SPAG16: variants seen among roughly 807,000 people sequenced by gnomAD.
The protein encoded by SPAG16 is sperm-associated antigen 16 protein.
SPAG16 carries 86 observed loss-of-function variants against 80.4 expected under a neutral mutation model. The observed-to-expected ratio is 1.07, with a 90% CI of 0.90 to 1.28. The LOEUF (loss-of-function observed/expected upper bound fraction) is 1.28. Among genes scored for constraint, SPAG16 ranks in the 50% most tolerant of loss-of-function variants. SPAG16 has a pLI of 0.00. For missense variants in SPAG16, 870 were observed against 765.3 expected, an observed-to-expected ratio of 1.14 and a Z score of -1.61; for synonymous variants, 294 against 265.9, an observed-to-expected ratio of 1.11 and a Z score of -1.03.
chr2:214,044,546 C>T (rs1298213152), intron 13 of SPAG16, among the ~76,000 whole-genome samples: 1 of 152,208 alleles, frequency 6.6e-6, no homozygotes, highest in Non-Finnish European at 1.5e-5. Context: ...CAAGTATCTA[C>T]ACCAAAATTG....
chr2:214,078,562 T>C (rs1432401618), intron 13 of SPAG16, among the ~76,000 whole-genome samples: 1 of 151,802 alleles, frequency 6.6e-6, no homozygotes, highest in Non-Finnish European at 1.5e-5. Flanking sequence ...AAATCTGTTA[T>C]TTATTGCTCC....
chr2:213,382,541 G>A (rs982655726), intron 9 of SPAG16, among the ~76,000 whole-genome samples: 1 of 152,184 alleles, frequency 6.6e-6, no homozygotes, highest in African/African-American at 2.4e-5. Context: ...TGGGCCATAA[G>A]GCCCAAGGAG....
At chr2:213,932,230 A>T (rs2078794527) in intron 12 of SPAG16, among the ~76,000 whole-genome samples, 1 of 142,128 alleles carries the variant, frequency 7.0e-6, no homozygotes, top group African/African-American at 2.7e-5. Context: ...GTTGTTTTTA[A>T]GACTGAATCT....
intron 10 of SPAG16, among the ~76,000 whole-genome samples, chr2:213,603,573 A>G (rs759153776): frequency 1.3e-5 from 2 of 152,220 alleles, no homozygotes; most frequent in African/African-American, 2.4e-5. Context: ...TGCTTTTTAC[A>G]CTTAGATCTT....
intron 10 of SPAG16, among the ~76,000 whole-genome samples, chr2:213,613,826 T>G (rs528651416): frequency 6.6e-6 from 1 of 152,254 alleles, no homozygotes; most frequent in East Asian, 1.9e-4. Context: ...TTCTTCCTAT[T>G]CCTCTCCCTA....
At chr2:214,057,631 G>C (rs1436126724) in intron 13 of SPAG16, among the ~76,000 whole-genome samples, 1 of 152,142 alleles carries the variant, frequency 6.6e-6, no homozygotes, top group Non-Finnish European at 1.5e-5. Context: ...CCACTAACAA[G>C]AGTCAGCCTG....
At chr2:214,361,469 G>A (rs1039374324) in intron 15 of SPAG16, among the ~76,000 whole-genome samples, 2 of 151,822 alleles carry the variant, frequency 1.3e-5, no homozygotes, top group Non-Finnish European at 2.9e-5. Context: ...CACATTAAAT[G>A]TGAATGGTTA....
At chr2:213,544,403 A>G (rs1248392403) in intron 10 of SPAG16, among the ~76,000 whole-genome samples, 7 of 152,074 alleles carry the variant, frequency 4.6e-5, no homozygotes, top group Admixed American at 4.6e-4. Context: ...AAAACTGAGC[A>G]GAAGGTACAG....
intron 9 of SPAG16, among the ~76,000 whole-genome samples, chr2:213,483,809 T>C (rs2073856654): frequency 6.6e-6 from 1 of 152,250 alleles, no homozygotes; most frequent in African/African-American, 2.4e-5. Flanking sequence ...CTTTAGAAGC[T>C]AAATATTTTC....
chr2:214,359,783 G>T (rs1343901363), intron 15 of SPAG16, among the ~76,000 whole-genome samples: 1 of 151,814 alleles, frequency 6.6e-6, no homozygotes, highest in African/African-American at 2.4e-5. Context: ...GTGTCAATTT[G>T]CTCTAATTGA....
chr2:214,093,846 ACT>A (rs746374972), intron 13 of SPAG16, among the ~76,000 whole-genome samples: 1 of 151,980 alleles, frequency 6.6e-6, no homozygotes, highest in Admixed American at 6.6e-5. Context: ...CTCTGGGGTC[ACT>A]CTCTATTTGA....
chr2:213,482,671 T>C (rs976451845), intron 9 of SPAG16, among the ~76,000 whole-genome samples: 21 of 152,110 alleles, frequency 1.4e-4, no homozygotes, highest in African/African-American at 4.8e-4. Context: ...AACATGCAAT[T>C]TGAAATATCT....
Position 213,929,846 on chromosome 2 carries a change from A to G in SPAG16, c.1215-114A>G. The G allele has an allele frequency of 1.0e-5, 9 of 872,578 alleles. No homozygotes were observed. In the South Asian group the frequency reaches 1.2e-4, roughly 11 times the overall value. The allele number at this position is 872,578 out of a possible 1,614,324, so 54.1% of individuals were successfully genotyped here. A position where few individuals can be genotyped will look rare whatever the true frequency, so the allele number is the denominator to read the frequency against. Reference sequence around the variant, plus strand: ...TTTAGTCATTTAGATATGCCACTACAAGTAAAAATAAATCAGATACATACA... The same window carrying G: ...TTTAGTCATTTAGATATGCCACTACGAGTAAAAATAAATCAGATACATACA... On this transcript the variant is annotated intron_variant, in intron 11 of 15. Transcript: ENST00000331683.
At chr2:213,417,172 G>T (rs1011451976) in intron 9 of SPAG16, among the ~76,000 whole-genome samples, 3 of 152,118 alleles carry the variant, frequency 2.0e-5, no homozygotes, top group Non-Finnish European at 4.4e-5. Context: ...CAGGAGGTCA[G>T]AGGTCAAGCA....
At chr2:213,889,655 A>G (rs2076704704) in intron 11 of SPAG16, among the ~76,000 whole-genome samples, 2 of 149,350 alleles carry the variant, frequency 1.3e-5, no homozygotes, top group East Asian at 1.9e-4. Context: ...ACACATATAT[A>G]CATATACATA....
intron 10 of SPAG16, among the ~76,000 whole-genome samples, chr2:213,548,352 A>G (rs1009262427): frequency 3.3e-5 from 5 of 152,036 alleles, no homozygotes; most frequent in Non-Finnish European, 4.4e-5. Context: ...AGCTGGGACT[A>G]CAGGCGCCCA....
chr2:213,778,302 CT>C (rs1165500279), intron 10 of SPAG16, among the ~76,000 whole-genome samples: 2 of 152,170 alleles, frequency 1.3e-5, no homozygotes, highest in African/African-American at 4.8e-5. Flanking sequence ...CATACCTAGA[CT>C]TTTTTGACAC....
intron 11 of SPAG16, among the ~76,000 whole-genome samples, chr2:213,904,754 T>C (rs745506442): frequency 5.3e-5 from 8 of 152,036 alleles, no homozygotes; most frequent in Non-Finnish European, 1.2e-4. Flanking sequence ...GAAAGAACAT[T>C]TCAGGAAGAA....
intron 15 of SPAG16, among the ~76,000 whole-genome samples, chr2:214,162,176 C>G (rs2056466311): frequency 1.3e-5 from 2 of 152,104 alleles, no homozygotes; most frequent in Admixed American, 6.6e-5. Flanking sequence ...ACTTGCTTTC[C>G]TGGGCTCAGC....
Sources: gnomAD v4.1 joint callset for allele counts (sites outside exome capture counted in the v4.1 genomes callset) on GRCh38, gnomAD v4.1.1 for gene constraint, MANE v1.5 for transcripts, NCBI Gene and HGNC (gene_info 2026-07-23, HGNC 2026-07-21) for gene names.